Variants in KATNBL1 observed in about 807,000 individuals in gnomAD.
KATNBL1 encodes the protein KATNB1-like protein 1.
A neutral mutation model predicts 44.7 loss-of-function variants in KATNBL1; 28 were observed. The ratio of observed to expected loss-of-function variants is 0.63; its 90% CI spans 0.46 to 0.86. The LOEUF is 0.86. Ranked by LOEUF, KATNBL1 falls within the 40% of genes least tolerant of loss-of-function variation. The pLI, the probability that KATNBL1 is intolerant of heterozygous loss-of-function variation, is 0.00. For missense variants in KATNBL1, 272 were observed against 350.7 expected (o/e 0.78, Z 1.79); for synonymous variants, 78 against 114.9 (o/e 0.68, Z 2.06).
At chr15:34,144,573 TTTC>T (rs1888253328) in intron 9 of KATNBL1, among the ~76,000 whole-genome samples, 1 of 151,606 alleles carries the variant, frequency 6.6e-6, no homozygotes, top group African/African-American at 2.4e-5. Context: ...ATGTTTTTTC[TTTC>T]TTTTTTTTTT....
chr15:34,148,119 G>C (rs764105906), intron 5 of KATNBL1, among the ~76,000 whole-genome samples: 3 of 152,044 alleles, frequency 2.0e-5, no homozygotes, highest in Non-Finnish European at 2.9e-5. Flanking sequence ...CCCAAATGCT[G>C]GGATTATAGG....
intron 1 of KATNBL1, among the ~76,000 whole-genome samples, chr15:34,190,625 A>G (rs1268629100): frequency 6.6e-6 from 1 of 152,210 alleles, no homozygotes; most frequent in African/African-American, 2.4e-5. Context: ...AAAACAGTTA[A>G]AGAAGGTAAT....
At chr15:34,146,218 TACAGA>T (rs900739478) in intron 8 of KATNBL1, 1 of 152,330 alleles carries the variant, frequency 6.6e-6, no homozygotes, top group Non-Finnish European at 1.5e-5. Context: ...GTGCTGGGAT[TACAGA>T]CAGGCATCAG....
At chr15:34,192,567 T>TG (rs1215238032) in intron 1 of KATNBL1, among the ~76,000 whole-genome samples, 1 of 151,866 alleles carries the variant, frequency 6.6e-6, no homozygotes, top group African/African-American at 2.4e-5. Context: ...GCCTAGAGGG[T>TG]GGTGGTCTCT....
intron 1 of KATNBL1, among the ~76,000 whole-genome samples, chr15:34,191,573 T>C (rs549489380): frequency 2.0e-5 from 3 of 152,278 alleles, no homozygotes; most frequent in East Asian, 3.9e-4. Flanking sequence ...AGAAGAATTA[T>C]TATTAATCAT....
intron 1 of KATNBL1, among the ~76,000 whole-genome samples, chr15:34,170,568 G>A (rs1252813043): frequency 2.6e-5 from 4 of 152,204 alleles, no homozygotes; most frequent in Middle Eastern, 3.4e-3. Flanking sequence ...GACTTTCTTG[G>A]AAGAATTGGA....
intron 9 of KATNBL1, chr15:34,145,098 C>A: frequency 9.2e-7 from 1 of 1,087,362 alleles, no homozygotes; most frequent in South Asian, 2.5e-5. Flanking sequence ...CTGATGCTGT[C>A]CTTATTGGAT....
intron 1 of KATNBL1, among the ~76,000 whole-genome samples, chr15:34,174,647 A>T (rs1420044707): frequency 6.6e-6 from 1 of 152,146 alleles, no homozygotes; most frequent in African/African-American, 2.4e-5. Context: ...GGGGGAAAAA[A>T]GTATCATGCA....
chr15:34,206,567 G>A (rs957027607), intron 1 of KATNBL1, among the ~76,000 whole-genome samples: 2 of 152,112 alleles, frequency 1.3e-5, no homozygotes, highest in African/African-American at 4.8e-5. Context: ...CGAGGTGGGC[G>A]GATCACCTGG....
intron 1 of KATNBL1, among the ~76,000 whole-genome samples, chr15:34,179,066 G>C (rs1035782035): frequency 1.2e-4 from 18 of 152,198 alleles, no homozygotes; most frequent in African/African-American, 3.9e-4. Flanking sequence ...ATTTTCAAAG[G>C]CTGTTTTGTG....
At chr15:34,160,861 G>C (rs1888779264) in intron 2 of KATNBL1, among the ~76,000 whole-genome samples, 1 of 151,918 alleles carries the variant, frequency 6.6e-6, no homozygotes, top group African/African-American at 2.4e-5. Flanking sequence ...GACTACTGGA[G>C]GTTTGTGTGA....
rs961459282 is a variant in KATNBL1 at position 34,148,797 on chromosome 15, T to G, written c.439-47A>C. The stretch of plus-strand genomic sequence containing the variant: ...TGTTAAAAAGCACACTGAAACAGGG[T>G]ATGAAACTATTTTTTTATTAAATCG... On this transcript the variant is annotated intron_variant, in intron 4 of 9. Transcript: ENST00000256544. 9.6e-6 allele frequency: 10 copies of G among 1,045,422 alleles called. No homozygotes were observed. The African/African-American group carries it at 1.4e-4, about 15-fold the overall frequency. 64.8% of individuals were successfully genotyped at this position (1,045,422 alleles called of 1,614,324 possible).
At chr15:34,158,910 T>C (rs1888715853) in intron 2 of KATNBL1, among the ~76,000 whole-genome samples, 1 of 152,204 alleles carries the variant, frequency 6.6e-6, no homozygotes, top group Non-Finnish European at 1.5e-5. Flanking sequence ...GGTCTGACTT[T>C]AGTATGACAA....
At position 34,148,628 on chromosome 15, in the gene KATNBL1, T is replaced by TTGAGG; in HGVS notation, c.557+3_557+4insCCTCA. Reference sequence around the variant, plus strand: ...GAACAAAGAGGATAAAAGGTCACACTTACCTCAACAAATAAGCTACAAGTT... The same window carrying TTGAGG: ...GAACAAAGAGGATAAAAGGTCACACTTGAGGTACCTCAACAAATAAGCTACAAGTT... On this transcript the variant is annotated splice_donor_region_variant and intron_variant, in intron 5 of 9. Coordinates refer to ENST00000256544, the MANE Select transcript of KATNBL1 (RefSeq NM_024713.3). 1 of 1,476,272 alleles carries TTGAGG rather than the reference T, an allele frequency of 6.8e-7. No homozygotes were observed. The highest frequency in any genetic ancestry group is 9.5e-7 in the Non-Finnish European group (1 of 1,056,008). The allele number at this position is 1,476,272 out of a possible 1,614,324, so 91.4% of individuals were successfully genotyped here.
chr15:34,177,402 T>C lies in KATNBL1; in HGVS notation c.-14-13712A>G, dbSNP rs150079961. On this transcript the variant is annotated intron_variant, in intron 1 of 9. Coordinates refer to ENST00000256544, the MANE Select transcript of KATNBL1 (RefSeq NM_024713.3). ...GCTCACACATGTAATCCCAGCACTT[T>C]GGGCGGCCGAGGTGGGTGGATCATT... is the stretch of plus-strand genomic sequence containing the variant. 2.6e-3 allele frequency among the ~76,000 whole-genome samples: 394 copies of C among 152,244 alleles called. 9 individuals carry two copies. The East Asian group carries it at 0.053, about 21-fold the overall frequency.
At position 34,140,901 on chromosome 15, in the gene KATNBL1, C is replaced by G. The variant is rs1446675702; in HGVS notation, c.*1438G>C. 1 of 152,078 alleles carries G rather than the reference C, an allele frequency of 6.6e-6. No individual in the cohort carries two copies. Among genetic ancestry groups the G allele is most frequent in the African/African-American group, 2.4e-5 (1 of 41,432 alleles). The allele number at this position is 152,078 out of a possible 1,614,324, so 9.4% of individuals were successfully genotyped here. A position where few individuals can be genotyped will look rare whatever the true frequency, so the allele number is the denominator to read the frequency against. ...TATCTAGCTATATAAAATATAGCTA[C>G]ACAAAACCAGAACTCAGTGAAACAT... On this transcript the variant is annotated 3_prime_UTR_variant, in exon 10 of 10. Transcript: ENST00000256544.
At chr15:34,201,766 T>C (rs542794547) in intron 1 of KATNBL1, among the ~76,000 whole-genome samples, 53 of 152,270 alleles carry the variant, frequency 3.5e-4, no homozygotes, top group African/African-American at 9.4e-4. Flanking sequence ...ATGGAAAATA[T>C]ATATACAACT....
At position 34,207,090 on chromosome 15, in the gene KATNBL1, A is replaced by C. The variant is rs951341392; in HGVS notation, c.-15+2861T>G. Among the ~76,000 whole-genome samples, 4 of 148,212 alleles carry C rather than the reference A, an allele frequency of 2.7e-5. No homozygotes were observed. In the South Asian group the frequency reaches 8.5e-4, roughly 31 times the overall value. On this transcript the variant is annotated intron_variant, in intron 1 of 9. Coordinates refer to ENST00000256544, the MANE Select transcript of KATNBL1 (RefSeq NM_024713.3). The stretch of plus-strand genomic sequence containing the variant: ...GGTCTTGCTTTGTCACCCAGGCTGG[A>C]GTGCAGTGATATGATCATGGCTCAC...
At position 34,145,500 on chromosome 15, in the gene KATNBL1, A is replaced by T. The variant is rs373610167; in HGVS notation, c.789-9T>A. 25 of 1,427,632 alleles carry T rather than the reference A, an allele frequency of 1.8e-5. No homozygotes were observed. Among genetic ancestry groups the T allele is most frequent in the Non-Finnish European group, 2.2e-5 (24 of 1,093,786 alleles). The allele number at this position is 1,427,632 out of a possible 1,614,324, so 88.4% of individuals were successfully genotyped here. A position where few individuals can be genotyped will look rare whatever the true frequency, so the allele number is the denominator to read the frequency against. On this transcript the variant is annotated splice_polypyrimidine_tract_variant and intron_variant, in intron 8 of 9. Coordinates refer to ENST00000256544, the MANE Select transcript of KATNBL1 (RefSeq NM_024713.3). ...TTAAAATTTGAATATTTCTAAAAGAAAAAAAAGGAAGAAAAATGAGAAAGC... is the reference window on the plus strand; with the variant it reads ...TTAAAATTTGAATATTTCTAAAAGATAAAAAAGGAAGAAAAATGAGAAAGC...
Sources: gnomAD v4.1 joint callset for allele counts (sites outside exome capture counted in the v4.1 genomes callset) on GRCh38, gnomAD v4.1.1 for gene constraint, MANE v1.5 for transcripts, NCBI Gene and HGNC (gene_info 2026-07-23, HGNC 2026-07-21) for gene names.